BPNT1: variants seen among roughly 807,000 people sequenced by gnomAD.
The protein encoded by BPNT1 is 3'(2'), 5'-bisphosphate nucleotidase 1, also known as 3'(2'),5'-bisphosphate nucleotidase 1.
In BPNT1, 28 loss-of-function variants were observed where a neutral mutation model predicts 36.9. That is an observed-to-expected ratio of 0.76 (90% confidence interval 0.56 to 1.04). BPNT1 has a LOEUF of 1.04. Ranked by LOEUF, BPNT1 falls within the 50% of genes least tolerant of loss-of-function variation. The pLI, the probability that BPNT1 is intolerant of heterozygous loss-of-function variation, is 0.00. For synonymous variants in BPNT1, 119 were observed against 130.9 expected, an observed-to-expected ratio of 0.91 and a Z score of 0.62; for missense variants, 313 against 372.9, an observed-to-expected ratio of 0.84 and a Z score of 1.32.
chr1:220,062,069 T>C (rs1663087123), intron 7 of BPNT1, among the ~76,000 whole-genome samples: 1 of 152,014 alleles, frequency 6.6e-6, no homozygotes, highest in Non-Finnish European at 1.5e-5. Flanking sequence ...TTCTTAAATT[T>C]ATTTTTAAAA....
At chr1:220,073,073 C>A in intron 3 of BPNT1, 116 bp from the exon 4 acceptor site, 1 of 906,176 alleles carries the variant, frequency 1.1e-6, no homozygotes. Context: ...TTCTGGTTTA[C>A]CATTTATATT....
In BPNT1 at chr1:220,057,864, G is replaced by GA. The variant is rs1483146116; in HGVS notation, c.*979dup. On this transcript the variant is annotated 3_prime_UTR_variant, in exon 9 of 9. Transcript: ENST00000322067. The stretch of plus-strand genomic sequence containing the variant: ...TGTGAAAAACAAGAGTGAGATTCCA[G>GA]AAAAAATTGTGCCCTAAAGAAATCT... The GA allele has an allele frequency of 1.5e-6, 2 of 1,302,978 alleles. No homozygotes were observed. The highest frequency in any genetic ancestry group is 3.0e-5 in the African/African-American group (2 of 65,794). 80.7% of individuals were successfully genotyped at this position (1,302,978 alleles called of 1,614,324 possible).
chr1:220,073,268 T>C (rs1178328384), intron 3 of BPNT1, among the ~76,000 whole-genome samples: 1 of 152,148 alleles, frequency 6.6e-6, no homozygotes, highest in Non-Finnish European at 1.5e-5. Flanking sequence ...TTACATGAGA[T>C]GTCAGTTCCC....
intron 6 of BPNT1, among the ~76,000 whole-genome samples, chr1:220,065,065 C>T (rs888287692): frequency 6.6e-6 from 1 of 152,204 alleles, no homozygotes; most frequent in African/African-American, 2.4e-5. Flanking sequence ...GCCTTGGCCT[C>T]CCAAAGTGCT....
Position 220,069,401 on chromosome 1 carries a change from G to T in BPNT1, c.365C>A (p.Thr122Asn). The T allele has an allele frequency of 6.2e-7, 1 of 1,605,620 alleles. No homozygotes were observed. ...LVVWVDPLDG[T>N]KEYTEGLLDN... ...ATATCAACCTTCGGTATATTCCTTG[G>T]TTCCATCCAGAGGATCAACCCAGAC... is the stretch of plus-strand genomic sequence containing the variant. The change falls in exon 5 of 9, where the codon ACC becomes AAC. Residue 122 changes from threonine to asparagine, a missense_variant. Coordinates refer to ENST00000322067, the MANE Select transcript of BPNT1 (RefSeq NM_006085.6).
At chr1:220,062,446 A>C (rs1303578248) in intron 7 of BPNT1, among the ~76,000 whole-genome samples, 1 of 151,980 alleles carries the variant, frequency 6.6e-6, no homozygotes, top group Non-Finnish European at 1.5e-5. Flanking sequence ...TTCCAATTTC[A>C]TCCACGTCCT....
chr1:220,072,814 G>C, intron 4 of BPNT1, 36 bp downstream of exon 4: 1 of 1,539,044 alleles, frequency 6.5e-7, no homozygotes, highest in South Asian at 1.1e-5. Context: ...AAAAAGCCCA[G>C]GTTAATAGAG....
intron 2 of BPNT1, among the ~76,000 whole-genome samples, chr1:220,075,455 C>G (rs1023148995): frequency 2.0e-5 from 3 of 152,184 alleles, no homozygotes; most frequent in African/African-American, 7.2e-5. Flanking sequence ...AAGTACTATT[C>G]TGCTAGAATG....
rs574776601 is a variant in BPNT1, at chr1:220,058,535, T to G, written c.*309A>C. On this transcript the variant is annotated 3_prime_UTR_variant, in exon 9 of 9. Coordinates refer to ENST00000322067, the MANE Select transcript of BPNT1 (RefSeq NM_006085.6). ...ACTTTAAGTACTTTTTGGGTTTTTG[T>G]TTTTTTTTTTTCTGAGACAGGGCTT... The G allele has an allele frequency of 3.7e-5, 25 of 681,618 alleles. No individual in the cohort carries two copies. The East Asian group carries it at 7.1e-4, about 19-fold the overall frequency. The allele number at this position is 681,618 out of a possible 1,614,324, so 42.2% of individuals were successfully genotyped here.
intron 6 of BPNT1, 49 bp from the exon 7 acceptor site, chr1:220,063,003 C>T (rs777591805): frequency 1.2e-5 from 19 of 1,564,112 alleles, no homozygotes; most frequent in Admixed American, 1.7e-5. Context: ...TGGAGAAGAA[C>T]GTTAGCCCAT....
intron 1 of BPNT1, among the ~76,000 whole-genome samples, chr1:220,089,127 A>AAGG (rs1344049566): frequency 7.1e-6 from 1 of 140,976 alleles, no homozygotes; most frequent in African/African-American, 2.5e-5. Context: ...AAAAAAAAAG[A>AAGG]AGGAGGAGGA....
At chr1:220,079,036 A>G (rs991149668) in intron 2 of BPNT1, among the ~76,000 whole-genome samples, 3 of 152,130 alleles carry the variant, frequency 2.0e-5, no homozygotes, top group African/African-American at 7.2e-5. Flanking sequence ...TTTCTTTTCC[A>G]TGAGGAAGAA....
chr1:220,073,068 GT>G lies in BPNT1; in HGVS notation c.226-112del, dbSNP rs1168480715. On this transcript the variant is annotated intron_variant, in intron 3 of 8. Coordinates refer to ENST00000322067, the MANE Select transcript of BPNT1 (RefSeq NM_006085.6). ...ATCACAGTTTTCACTAGTTCTTCTG[GT>G]TTACCATTTATATTTAGAGCTTTTA... 4.3e-6 allele frequency: 4 copies of G among 928,544 alleles called. No individual in the cohort carries two copies. In the African/African-American group the frequency reaches 6.6e-5, roughly 15 times the overall value. The allele number at this position is 928,544 out of a possible 1,614,324, so 57.5% of individuals were successfully genotyped here.
intron 4 of BPNT1, 85 bp from the exon 5 acceptor site, chr1:220,069,517 T>C: frequency 9.8e-7 from 1 of 1,016,612 alleles, no homozygotes; most frequent in Non-Finnish European, 1.4e-6. Flanking sequence ...AAATTACTCT[T>C]TTTTTCCTGT....
intron 4 of BPNT1, among the ~76,000 whole-genome samples, chr1:220,071,025 TACTC>T (rs1056889043): frequency 4.2e-4 from 63 of 151,464 alleles, no homozygotes; most frequent in African/African-American, 1.5e-3. Context: ...TAATCCCAGT[TACTC>T]AGGAGGCTGA....
At chr1:220,059,064 G>T in intron 8 of BPNT1, 72 bp from the exon 9 acceptor site, 2 of 1,526,376 alleles carry the variant, frequency 1.3e-6, no homozygotes, top group Non-Finnish European at 1.8e-6. Flanking sequence ...TTATTTTTAA[G>T]TGCCTTTTGC....
At chr1:220,080,309 G>C (rs1360971322) in intron 1 of BPNT1, among the ~76,000 whole-genome samples, 1 of 152,170 alleles carries the variant, frequency 6.6e-6, no homozygotes, top group Non-Finnish European at 1.5e-5. Context: ...GGTATGAATA[G>C]TATAAGGGAT....
intron 7 of BPNT1, among the ~76,000 whole-genome samples, chr1:220,060,177 T>C (rs1423788080): frequency 2.6e-5 from 4 of 152,132 alleles, no homozygotes; most frequent in Non-Finnish European, 4.4e-5. Context: ...ATCTAAAAAA[T>C]TGACCATTTA....
chr1:220,065,085 G>A (rs1226769963), intron 6 of BPNT1, among the ~76,000 whole-genome samples: 1 of 152,226 alleles, frequency 6.6e-6, no homozygotes, highest in Admixed American at 6.5e-5. Flanking sequence ...TGGGATTACA[G>A]GCGTGAGCCA....
Sources: gnomAD v4.1 joint callset for allele counts (sites outside exome capture counted in the v4.1 genomes callset) on GRCh38, gnomAD v4.1.1 for gene constraint, MANE v1.5 for transcripts, NCBI Gene and HGNC (gene_info 2026-07-23, HGNC 2026-07-21) for gene names.